Variants in CCNK observed in about 807,000 individuals in gnomAD.
CCNK encodes cyclin K.
CCNK carries 9 observed loss-of-function variants against 65.0 expected under a neutral mutation model. The ratio of observed to expected loss-of-function variants is 0.14; its 90% CI spans 0.08 to 0.24. The LOEUF (loss-of-function observed/expected upper bound fraction) is 0.24. CCNK is among the 10% of genes least tolerant of loss of function. The pLI is 1.00. For synonymous variants in CCNK, 279 were observed against 270.8 expected (o/e 1.03, Z -0.30); for missense variants, 474 against 720.0 (o/e 0.66, Z 3.91).
At chr14:99,490,492 G>A (rs1896575004) in intron 1 of CCNK, among the ~76,000 whole-genome samples, 1 of 152,088 alleles carries the variant, frequency 6.6e-6, no homozygotes, top group Admixed American at 6.5e-5. Flanking sequence ...CGTACAATTA[G>A]TTTAAAATAA....
chr14:99,490,797 G>A (rs1262554225), intron 1 of CCNK, among the ~76,000 whole-genome samples: 1 of 151,858 alleles, frequency 6.6e-6, no homozygotes, highest in Admixed American at 6.6e-5. Context: ...GCGTGGTGGC[G>A]GGCGCCTGTA....
At chr14:99,486,447 G>A (rs754294360) in intron 1 of CCNK, among the ~76,000 whole-genome samples, 15 of 152,060 alleles carry the variant, frequency 9.9e-5, no homozygotes, top group Non-Finnish European at 1.5e-4. Context: ...CCCTCCATCC[G>A]TCAACATGAC....
intron 9 of CCNK, 140 bp downstream of exon 9, chr14:99,503,784 C>T (rs1330079912): frequency 1.0e-5 from 7 of 677,140 alleles, no homozygotes; most frequent in Non-Finnish European, 1.8e-5. Flanking sequence ...TTTCCATCAG[C>T]ATTGTCTTTC....
At chr14:99,494,351 G>C (rs141428972) in intron 3 of CCNK, 4 of 152,186 alleles carry the variant, frequency 2.6e-5, no homozygotes, top group African/African-American at 9.7e-5. Flanking sequence ...GATAAGCCTC[G>C]AATGCCAGAC....
Position 99,510,352 on chromosome 14 carries a change from A to C in CCNK, c.1313A>C (p.Tyr438Ser). 6.5e-7 allele frequency: 1 copy of C among 1,543,888 alleles called. No individual in the cohort carries two copies. Among genetic ancestry groups the C allele is most frequent in the Non-Finnish European group, 8.7e-7 (1 of 1,147,952 alleles). ...ACCGGGATGTCCACCACCAGCTCCTACATGTCTGGAGAGGGCTACCAGAGC... is the reference window on the plus strand; with the variant it reads ...ACCGGGATGTCCACCACCAGCTCCTCCATGTCTGGAGAGGGCTACCAGAGC... ...YMTGMSTTSS[Y>S]MSGEGYQSLQ... is the part of the protein sequence containing the mutation. Residue 438 changes from tyrosine (Y) to serine (S), a missense_variant, in exon 11 of 11, where the codon TAC becomes TCC. Physicochemically the swap from Tyr to Ser is moderately radical, Grantham distance 144. Coordinates refer to ENST00000389879, the MANE Select transcript of CCNK (RefSeq NM_001099402.2).
chr14:99,481,972 C>G (rs1340977785), intron 1 of CCNK, among the ~76,000 whole-genome samples: 1 of 152,198 alleles, frequency 6.6e-6, no homozygotes, highest in Non-Finnish European at 1.5e-5. Flanking sequence ...GAGGAAAAGG[C>G]ACTTCCGGGA....
At chr14:99,488,225 A>G (rs1896532194) in intron 1 of CCNK, among the ~76,000 whole-genome samples, 1 of 151,866 alleles carries the variant, frequency 6.6e-6, no homozygotes, top group Non-Finnish European at 1.5e-5. Flanking sequence ...AATACCCTCT[A>G]ATATACAATT....
At chr14:99,492,464 A>T in intron 1 of CCNK, 162 bp from the exon 2 acceptor site, 1 of 534,104 alleles carries the variant, frequency 1.9e-6, no homozygotes, top group East Asian at 3.4e-5. Context: ...ATCTTACAGT[A>T]TTGTGTTAAA....
chr14:99,509,354 A>G (rs1897056446), intron 10 of CCNK: 2 of 152,238 alleles, frequency 1.3e-5, no homozygotes, highest in African/African-American at 4.8e-5. Context: ...TCACAGGCCA[A>G]AACATGTTAA....
At chr14:99,501,592 T>A in intron 6 of CCNK, 179 bp downstream of exon 6, 1 of 582,748 alleles carries the variant, frequency 1.7e-6, no homozygotes, top group Non-Finnish European at 3.0e-6. Context: ...GGCAGAGGGT[T>A]TCCTTCTGCC....
chr14:99,508,953 T>C (rs1279694311), intron 10 of CCNK: 1 of 152,254 alleles, frequency 6.6e-6, no homozygotes, highest in Non-Finnish European at 1.5e-5. Flanking sequence ...GGCCCTGACC[T>C]GGAGCCAAAG....
chr14:99,503,180 A>G, intron 8 of CCNK, 196 bp downstream of exon 8: 1 of 723,064 alleles, frequency 1.4e-6, no homozygotes, highest in Non-Finnish European at 2.5e-6. Context: ...TCTGAGAACC[A>G]GGAGGGGGCT....
rs749217487 is a variant in CCNK at position 99,492,744 on chromosome 14, T to G, written c.67T>G (p.Cys23Gly). Residue 23 changes from cysteine (C) to glycine (G), a missense_variant, in exon 2 of 11, where the codon TGT becomes GGT. By Grantham distance (159) the Cys-to-Gly change is radical. This residue lies in a region of CCNK where 87 missense variants were observed against 166.2 expected (regional missense o/e 0.52). Coordinates refer to ENST00000389879, the MANE Select transcript of CCNK (RefSeq NM_001099402.2). ...AGCAAACCTGGACCACACAAAGCCA[T>G]GTTGGTACTGGGATAAGAAAGACTT... is the stretch of plus-strand genomic sequence containing the variant. ...TSANLDHTKP[C>G]WYWDKKDLAH... The G allele has an allele frequency of 6.2e-7, 1 of 1,612,844 alleles. No homozygotes were observed. The highest frequency in any genetic ancestry group is 8.5e-7 in the Non-Finnish European group (1 of 1,179,618).
intron 3 of CCNK, 127 bp downstream of exon 3, chr14:99,493,722 C>A: frequency 1.8e-6 from 1 of 567,088 alleles, no homozygotes; most frequent in Non-Finnish European, 3.0e-6. Context: ...ATGGTATATA[C>A]TGCATATAAA....
At position 99,492,663 on chromosome 14, in the gene CCNK, A is replaced by G; in HGVS notation, c.-15A>G. ...TTCAGAGAACCTTTTGGAAAGAACA[A>G]GCCTACTTCAATAAATGAAGGAGAA... On this transcript the variant is annotated 5_prime_UTR_variant, in exon 2 of 11. Transcript: ENST00000389879. The G allele has an allele frequency of 6.3e-7, 1 of 1,590,476 alleles. No homozygotes were observed. Among genetic ancestry groups the G allele is most frequent in the South Asian group, 1.2e-5 (1 of 86,436 alleles).
At position 99,500,828 on chromosome 14, in the gene CCNK, AC is replaced by A; in HGVS notation, c.475del (p.His159IlefsTer7). ...QTIKFDLQVE[H>X]PYQFLLKYAK... ...CCATCAAGTTTGATTTACAGGTAGA[AC>A]ATCCATACCAGTTCCTACTAAAATA... On this transcript the variant is annotated frameshift_variant, in exon 5 of 11. Transcript: ENST00000389879. LOFTEE classifies it high-confidence loss of function. 6.4e-7 allele frequency: 1 copy of A among 1,566,002 alleles called. No individual in the cohort carries two copies. Among genetic ancestry groups the A allele is most frequent in the South Asian group, 1.2e-5 (1 of 84,608 alleles).
chr14:99,503,767 C>G, intron 9 of CCNK, 123 bp downstream of exon 9: 1 of 784,316 alleles, frequency 1.3e-6, no homozygotes, highest in Non-Finnish European at 2.1e-6. Context: ...AGAGCTCATA[C>G]AAAACTTTTC....
In CCNK at chr14:99,510,488, CCCGCCA is replaced by C; in HGVS notation, c.1452_1457del (p.Pro485_Pro486del). On this transcript the variant is annotated inframe_deletion, in exon 11 of 11. Coordinates refer to ENST00000389879, the MANE Select transcript of CCNK (RefSeq NM_001099402.2). The stretch of plus-strand genomic sequence containing the variant: ...CCCATGTCTACCCGCCCAACCCGCC[CCCGCCA>C]CCTGTGCCTCCTCCCCCAGCCTCCT... 1 of 1,233,866 alleles carries C rather than the reference CCCGCCA, an allele frequency of 8.1e-7. No homozygotes were observed. Among genetic ancestry groups the C allele is most frequent in the Non-Finnish European group, 1.1e-6 (1 of 895,096 alleles). The allele number at this position is 1,233,866 out of a possible 1,614,324, so 76.4% of individuals were successfully genotyped here.
intron 4 of CCNK, among the ~76,000 whole-genome samples, chr14:99,496,567 G>A (rs567920739): frequency 2.4e-4 from 36 of 151,996 alleles, no homozygotes; most frequent in East Asian, 1.4e-3. Context: ...AAAATTAACC[G>A]GGCGTGGTGG....
Sources: allele counts gnomAD v4.1 joint callset (sites outside exome capture counted in the v4.1 genomes callset), GRCh38; gene constraint gnomAD v4.1.1; regional missense constraint gnomAD v4.1.1; transcripts MANE v1.5; gene names NCBI Gene and HGNC (gene_info 2026-07-23, HGNC 2026-07-21).